AK6: variants seen among roughly 807,000 people sequenced by gnomAD.
AK6 encodes adenylate kinase 6.
AK6 carries 24 observed loss-of-function variants against 23.7 expected under a neutral mutation model. The ratio of observed to expected loss-of-function variants is 1.01; its 90% CI spans 0.73 to 1.43. The LOEUF (loss-of-function observed/expected upper bound fraction) is 1.43. AK6 is among the 40% of genes most tolerant of loss of function. The probability of loss-of-function intolerance (pLI) is 0.00; values close to 1 mark genes in which losing one functional copy is unlikely to be tolerated. For missense variants in AK6, 191 were observed against 199.1 expected, an observed-to-expected ratio of 0.96 and a Z score of 0.24; for synonymous variants, 73 against 69.8, an observed-to-expected ratio of 1.05 and a Z score of -0.23.
At chr5:69,366,765 A>ATT in intron 1 of AK6, 170 bp from the exon 2 acceptor site, 1 of 544,002 alleles carries the variant, frequency 1.8e-6, no homozygotes, top group Non-Finnish European at 3.3e-6. Flanking sequence ...CATATGTAAA[A>ATT]TTTTTTTTTT....
rs1762071551 is a variant in AK6, at chr5:69,355,859, C to G, written c.180+36G>C. 2.5e-6 allele frequency: 4 copies of G among 1,599,214 alleles called. No individual in the cohort carries two copies. The East Asian group carries it at 8.9e-5, about 36-fold the overall frequency. ...CTGAAGTCAACTTTCCTATGAAATT[C>G]AACAAATGCATACTTTATGAAAAAG... On this transcript the variant is annotated intron_variant, in intron 3 of 4. Coordinates refer to ENST00000380822, the MANE Select transcript of AK6 (RefSeq NM_016283.5).
intron 1 of AK6, 153 bp downstream of exon 1, chr5:69,369,310 G>C (rs1429200741): frequency 5.5e-6 from 3 of 546,946 alleles, no homozygotes; most frequent in East Asian, 8.7e-5. Context: ...ACGCCCGCGA[G>C]GGTCGGCTCC....
chr5:69,363,256 A>G (rs1448303742), intron 2 of AK6, among the ~76,000 whole-genome samples: 1 of 152,196 alleles, frequency 6.6e-6, no homozygotes, highest in East Asian at 1.9e-4. Context: ...AAGTACTGGT[A>G]GGAGAGGACC....
intron 2 of AK6, among the ~76,000 whole-genome samples, chr5:69,359,614 A>G (rs1204782299): frequency 6.6e-6 from 1 of 152,238 alleles, no homozygotes; most frequent in Non-Finnish European, 1.5e-5. Context: ...GTCAAACTGT[A>G]AAATCATGAC....
intron 2 of AK6, among the ~76,000 whole-genome samples, chr5:69,361,336 T>C (rs1762229131): frequency 6.6e-6 from 1 of 152,056 alleles, no homozygotes; most frequent in Non-Finnish European, 1.5e-5. Context: ...TTAGCCAGGA[T>C]GGTCTCAATC....
intron 4 of AK6, among the ~76,000 whole-genome samples, chr5:69,352,611 A>G (rs1374600073): frequency 6.6e-6 from 1 of 152,244 alleles, no homozygotes; most frequent in Non-Finnish European, 1.5e-5. Flanking sequence ...ATATTTCTCC[A>G]AGGAAGATAC....
At chr5:69,362,319 C>A (rs928634017) in intron 2 of AK6, among the ~76,000 whole-genome samples, 1 of 152,046 alleles carries the variant, frequency 6.6e-6, no homozygotes, top group Admixed American at 6.5e-5. Context: ...CATTGCTATA[C>A]CCCCAAAGGG....
chr5:69,368,134 C>G (rs1363676017), intron 1 of AK6, among the ~76,000 whole-genome samples: 1 of 152,072 alleles, frequency 6.6e-6, no homozygotes, highest in Non-Finnish European at 1.5e-5. Flanking sequence ...CCAAAGAAAC[C>G]CTATTTATGT....
At chr5:69,356,184 T>C (rs1580304523) in intron 2 of AK6, among the ~76,000 whole-genome samples, 1 of 152,202 alleles carries the variant, frequency 6.6e-6, no homozygotes, top group South Asian at 2.1e-4. Context: ...TATCTGAAAC[T>C]GCTTTAAATA....
At chr5:69,359,542 GCC>G (rs1000620327) in intron 2 of AK6, among the ~76,000 whole-genome samples, 9 of 152,064 alleles carry the variant, frequency 5.9e-5, no homozygotes, top group Non-Finnish European at 1.2e-4. Flanking sequence ...ACTGCGCCAG[GCC>G]CCACAAAATT....
At chr5:69,367,186 C>T (rs995989032) in intron 1 of AK6, among the ~76,000 whole-genome samples, 2 of 152,096 alleles carry the variant, frequency 1.3e-5, no homozygotes, top group Non-Finnish European at 2.9e-5. Flanking sequence ...ATTCAAACTG[C>T]CTGCTGCTAC....
intron 2 of AK6, among the ~76,000 whole-genome samples, chr5:69,359,083 G>GAA (rs760198029): frequency 7.2e-6 from 1 of 138,382 alleles, no homozygotes; most frequent in Non-Finnish European, 1.6e-5. Flanking sequence ...ACTACCAAAA[G>GAA]AAAAAAAAAA....
At chr5:69,369,226 A>AACCCCCCCCCCC in intron 1 of AK6, 1 of 123,114 alleles carries the variant, frequency 8.1e-6, no homozygotes. Flanking sequence ...ACCTCTCTCC[A>AACCCCCCCCCCC]CCCCCCCCCG....
At chr5:69,362,361 A>G (rs1762263584) in intron 2 of AK6, among the ~76,000 whole-genome samples, 1 of 152,182 alleles carries the variant, frequency 6.6e-6, no homozygotes, top group South Asian at 2.1e-4. Context: ...TCACTTCATT[A>G]TAGATGATTG....
chr5:69,366,489 A>G lies in AK6; in HGVS notation c.121+14T>C, dbSNP rs748515237. The G allele has an allele frequency of 6.2e-7, 1 of 1,605,704 alleles. No individual in the cohort carries two copies. The highest frequency in any genetic ancestry group is 8.5e-7 in the Non-Finnish European group (1 of 1,173,398). On this transcript the variant is annotated intron_variant, in intron 2 of 4. Transcript: ENST00000380822. Reference sequence around the variant, plus strand: ...AAAAAAACAAAACAAATCTAACACCAAAGTGTCCCTTACCTTCTCGAGCTA... The same window carrying G: ...AAAAAAACAAAACAAATCTAACACCGAAGTGTCCCTTACCTTCTCGAGCTA...
chr5:69,356,983 C>A (rs1049970420), intron 2 of AK6, among the ~76,000 whole-genome samples: 2 of 152,184 alleles, frequency 1.3e-5, no homozygotes, highest in Admixed American at 1.3e-4. Flanking sequence ...TTAGCCCCAG[C>A]CCTTAGGAGG....
At chr5:69,367,566 CTTTTTT>C (rs1486147509) in intron 1 of AK6, among the ~76,000 whole-genome samples, 12 of 148,880 alleles carry the variant, frequency 8.1e-5, no homozygotes, top group Non-Finnish European at 1.3e-4. Context: ...TTACCTTTTT[CTTTTTT>C]TAAAGACAAG....
rs540234312 is a variant in AK6, at chr5:69,355,449, T to C, written c.326+200A>G. 2.2e-4 allele frequency: 111 copies of C among 509,054 alleles called. 1 individual carries two copies. The South Asian group carries it at 3.2e-3, about 15-fold the overall frequency. 31.5% of individuals were successfully genotyped at this position (509,054 alleles called of 1,614,324 possible). A position where few individuals can be genotyped will look rare whatever the true frequency, so the allele number is the denominator to read the frequency against. On this transcript the variant is annotated intron_variant, in intron 4 of 4. Coordinates refer to ENST00000380822, the MANE Select transcript of AK6 (RefSeq NM_016283.5). ...AGGAGGCTGAGGCACAAGAATTGCT[T>C]GAACCAGGGAGGTGGAGGTTGCAGT... is the stretch of plus-strand genomic sequence containing the variant.
At chr5:69,366,785 T>G (rs906756104) in intron 1 of AK6, 190 bp from the exon 2 acceptor site, 73 of 573,276 alleles carry the variant, frequency 1.3e-4, no homozygotes, top group Non-Finnish European at 6.2e-6. Flanking sequence ...TGAGACAGAG[T>G]TTCACTCTTG....
Sources: allele counts gnomAD v4.1 joint callset (sites outside exome capture counted in the v4.1 genomes callset), GRCh38; gene constraint gnomAD v4.1.1; transcripts MANE v1.5; gene names NCBI Gene and HGNC (gene_info 2026-07-23, HGNC 2026-07-21).